WSCD2: variants seen among roughly 807,000 people sequenced by gnomAD.
The protein encoded by WSCD2 is WSC domain sialate O sulfotransferase 2.
A neutral mutation model predicts 55.7 loss-of-function variants in WSCD2; 28 were observed. The observed-to-expected ratio is 0.50, with a 90% CI of 0.37 to 0.69. WSCD2 has a LOEUF of 0.69. WSCD2 is among the 30% of genes least tolerant of loss of function. The pLI is 0.00. For missense variants in WSCD2, 616 were observed against 762.1 expected (o/e 0.81, Z 2.26); for synonymous variants, 301 against 301.9 (o/e 1.00, Z 0.03).
chr12:108,146,698 C>A (rs1350881322), intron 1 of WSCD2, among the ~76,000 whole-genome samples: 1 of 152,174 alleles, frequency 6.6e-6, no homozygotes, highest in Non-Finnish European at 1.5e-5. Context: ...CGTCCAGGTT[C>A]AGGAGAACTA....
At chr12:108,247,905 A>G in intron 8 of WSCD2, 86 bp from the exon 9 acceptor site, 2 of 1,402,046 alleles carry the variant, frequency 1.4e-6, no homozygotes, top group Middle Eastern at 2.1e-4. Flanking sequence ...TGTGCTGTGA[A>G]TAATGGTAAC....
At chr12:108,233,799 T>C (rs147178966) in intron 7 of WSCD2, among the ~76,000 whole-genome samples, 107 of 152,384 alleles carry the variant, frequency 7.0e-4, no homozygotes, top group Non-Finnish European at 1.3e-3. Context: ...CCCTTGGGCA[T>C]GAAGCCCTCT....
chr12:108,180,057 A>C (rs1592947323), intron 1 of WSCD2, among the ~76,000 whole-genome samples: 2 of 151,462 alleles, frequency 1.3e-5, no homozygotes, highest in South Asian at 2.1e-4. Flanking sequence ...AAACAAAAAA[A>C]AAAAAAAAAA....
At position 108,129,684 on chromosome 12, in the gene WSCD2, C is replaced by G. The variant is rs1231160302; in HGVS notation, c.-794C>G. 1 of 152,310 alleles carries G rather than the reference C, an allele frequency of 6.6e-6. No homozygotes were observed. Among genetic ancestry groups the G allele is most frequent in the Admixed American group, 6.5e-5 (1 of 15,292 alleles). The allele number at this position is 152,310 out of a possible 1,614,324, so 9.4% of individuals were successfully genotyped here. On this transcript the variant is annotated 5_prime_UTR_variant, in exon 1 of 9. Transcript: ENST00000547525. ...TTCAAGGCGCACACTATCCCACTTT[C>G]CCGCTGGAGGCGCAGAGGATGCCCC...
chr12:108,186,368 A>G (rs964326321), intron 1 of WSCD2, among the ~76,000 whole-genome samples: 1 of 151,842 alleles, frequency 6.6e-6, no homozygotes, highest in East Asian at 1.9e-4. Flanking sequence ...CATCATTATC[A>G]CTCAAGTCTG....
chr12:108,154,054 C>T (rs1293243034), intron 1 of WSCD2, among the ~76,000 whole-genome samples: 4 of 152,174 alleles, frequency 2.6e-5, no homozygotes, highest in Admixed American at 1.3e-4. Context: ...TCTGTTGTTA[C>T]TGATTTAGAG....
At chr12:108,234,244 C>G (rs1467299832) in intron 7 of WSCD2, among the ~76,000 whole-genome samples, 1 of 152,228 alleles carries the variant, frequency 6.6e-6, no homozygotes, top group Non-Finnish European at 1.5e-5. Context: ...GCTCTGGGTA[C>G]TCTGGTCTGG....
chr12:108,212,612 C>CACACACAG (rs772257913), intron 4 of WSCD2, among the ~76,000 whole-genome samples: 12 of 110,386 alleles, frequency 1.1e-4, no homozygotes, highest in African/African-American at 3.6e-4. Context: ...CTCTCTCTCT[C>CACACACAG]TCACACACAC....
At position 108,248,599 on chromosome 12, in the gene WSCD2, G is replaced by T. The variant is rs1185502735; in HGVS notation, c.*256G>T. ...CTTGTTTAGGGGGTTCTAGTTACAT[G>T]GACTCTTTTCTGTCTCCTGGGTCCC... On this transcript the variant is annotated 3_prime_UTR_variant, in exon 9 of 9. Coordinates refer to ENST00000547525, the MANE Select transcript of WSCD2 (RefSeq NM_014653.4). This position sits in a 1 kb window ranked among gnomAD's most constrained non-coding sequence, Gnocchi z 4.3. The T allele has an allele frequency of 1.2e-5, 15 of 1,261,916 alleles. No individual in the cohort carries two copies. The East Asian group carries it at 4.7e-4, about 40-fold the overall frequency. The allele number at this position is 1,261,916 out of a possible 1,614,324, so 78.2% of individuals were successfully genotyped here. A position where few individuals can be genotyped will look rare whatever the true frequency, so the allele number is the denominator to read the frequency against.
chr12:108,130,766 T>C (rs1592853067), intron 1 of WSCD2, among the ~76,000 whole-genome samples: 1 of 151,678 alleles, frequency 6.6e-6, no homozygotes, highest in Non-Finnish European at 1.5e-5. Flanking sequence ...CCTGGGGAGG[T>C]GCAAACTTTT....
chr12:108,155,246 G>A (rs1325831389), intron 1 of WSCD2, among the ~76,000 whole-genome samples: 1 of 152,188 alleles, frequency 6.6e-6, no homozygotes, highest in African/African-American at 2.4e-5. Flanking sequence ...TTTTGATATG[G>A]ATGGAAGAGA....
chr12:108,211,444 G>C (rs1484567212), intron 4 of WSCD2, among the ~76,000 whole-genome samples: 2 of 152,068 alleles, frequency 1.3e-5, no homozygotes, highest in East Asian at 1.9e-4. Flanking sequence ...CCAGGATGCT[G>C]GTCCATAGAC....
rs1371820480 is a variant in WSCD2 at position 108,247,981 on chromosome 12, C to T, written c.1346-10C>T. ...TCCCTCTGACTGTGTCCTTTCTCCTCTCTCTGCAGAGTGGCCAGAGTTCGT... is the reference window on the plus strand; with the variant it reads ...TCCCTCTGACTGTGTCCTTTCTCCTTTCTCTGCAGAGTGGCCAGAGTTCGT... On this transcript the variant is annotated splice_polypyrimidine_tract_variant and intron_variant, in intron 8 of 8. Coordinates refer to ENST00000547525, the MANE Select transcript of WSCD2 (RefSeq NM_014653.4). 3.1e-6 allele frequency: 5 copies of T among 1,607,162 alleles called. No individual in the cohort carries two copies. In the African/African-American group the frequency reaches 4.0e-5, roughly 13 times the overall value.
In WSCD2 at chr12:108,129,444, C is replaced by T. The variant is rs338176; in HGVS notation, c.-1034C>T. 74,344 of 150,864 alleles carry T rather than the reference C, an allele frequency of 0.49. 19,444 individuals are homozygous for T. Among genetic ancestry groups the T allele is most frequent in the East Asian group, 0.81 (4,105 of 5,048 alleles). 9.3% of individuals were successfully genotyped at this position (150,864 alleles called of 1,614,324 possible). On this transcript the variant is annotated 5_prime_UTR_variant, in exon 1 of 9. Coordinates refer to ENST00000547525, the MANE Select transcript of WSCD2 (RefSeq NM_014653.4). The stretch of plus-strand genomic sequence containing the variant: ...TCCGCGCCGAGCCGCAGCCGGTGCC[C>T]TGCGCGCACCGGGCCCGGGCATCTC...
At chr12:108,145,373 C>A (rs1209278292) in intron 1 of WSCD2, among the ~76,000 whole-genome samples, 1 of 152,204 alleles carries the variant, frequency 6.6e-6, no homozygotes, top group Non-Finnish European at 1.5e-5. Context: ...TCTAACCAAC[C>A]TGCAACCCCT....
chr12:108,215,001 G>A (rs981989107), intron 4 of WSCD2, among the ~76,000 whole-genome samples: 3 of 152,194 alleles, frequency 2.0e-5, no homozygotes, highest in Non-Finnish European at 4.4e-5. Flanking sequence ...ATGATTAGGG[G>A]ACAGTCACAT....
rs74675878 is a variant in WSCD2 at position 108,202,011 on chromosome 12, C to T, written c.383-4278C>T. ...GGCCATTAATCCACCCTCAAGTGGC[C>T]TGTGATTTTGTCCCTGTTTTACATA... On this transcript the variant is annotated intron_variant, in intron 2 of 8. Transcript: ENST00000547525. Among the ~76,000 whole-genome samples, 420 of 152,212 alleles carry T rather than the reference C, an allele frequency of 2.8e-3. 3 individuals carry two copies. The highest frequency in any genetic ancestry group is 9.6e-3 in the African/African-American group (401 of 41,558).
At chr12:108,137,985 C>G (rs1014997517) in intron 1 of WSCD2, among the ~76,000 whole-genome samples, 2 of 152,216 alleles carry the variant, frequency 1.3e-5, no homozygotes, top group Non-Finnish European at 2.9e-5. Context: ...ATGGCTCCCT[C>G]TCAGCCTCAG....
At chr12:108,208,851 G>T (rs1885768389) in intron 3 of WSCD2, among the ~76,000 whole-genome samples, 2 of 152,198 alleles carry the variant, frequency 1.3e-5, no homozygotes, top group Admixed American at 1.3e-4. Flanking sequence ...GGATAGGTGG[G>T]CAAGACCCAC....
Sources: gnomAD v4.1 joint callset for allele counts (sites outside exome capture counted in the v4.1 genomes callset) on GRCh38, gnomAD v4.1.1 for gene constraint, Gnocchi (gnomAD v3.1) non-coding constraint, MANE v1.5 for transcripts, NCBI Gene and HGNC (gene_info 2026-07-23, HGNC 2026-07-21) for gene names.